Variants in LRRTM4 observed in about 807,000 individuals in gnomAD.
LRRTM4 encodes the protein leucine-rich repeat transmembrane neuronal protein 4.
A neutral mutation model predicts 47.6 loss-of-function variants in LRRTM4; 25 were observed. That is an observed-to-expected ratio of 0.53 (90% confidence interval 0.38 to 0.73). LRRTM4 has a LOEUF of 0.73. Among genes scored for constraint, LRRTM4 ranks in the 30% least tolerant of loss-of-function variants. LRRTM4 has a pLI of 0.00. For missense variants in LRRTM4, 638 were observed against 713.4 expected (o/e 0.89, Z 1.20); for synonymous variants, 311 against 269.5 (o/e 1.15, Z -1.51).
chr2:77,109,994 T>G (rs1671206146), intron 3 of LRRTM4, among the ~76,000 whole-genome samples: 3 of 150,146 alleles, frequency 2.0e-5, no homozygotes, highest in Non-Finnish European at 3.0e-5. Flanking sequence ...GGAAAGAAAA[T>G]ACAAATCTTA....
At chr2:77,111,625 T>C (rs1488897823) in intron 3 of LRRTM4, among the ~76,000 whole-genome samples, 2 of 152,176 alleles carry the variant, frequency 1.3e-5, no homozygotes, top group East Asian at 3.9e-4. Context: ...TAAGATTTCC[T>C]GTGTCCAGGG....
chr2:77,059,993 G>C (rs2103796966), intron 3 of LRRTM4, among the ~76,000 whole-genome samples: 1 of 152,328 alleles, frequency 6.6e-6, no homozygotes, highest in South Asian at 2.1e-4. Flanking sequence ...GCAGGGTAGA[G>C]CAGCAGTTAA....
intron 3 of LRRTM4, among the ~76,000 whole-genome samples, chr2:76,769,852 T>TA (rs34425713): frequency 1.3e-5 from 2 of 152,202 alleles, no homozygotes; most frequent in African/African-American, 4.8e-5. Context: ...CATGCCTAGA[T>TA]AAAAAAGTGC....
chr2:77,225,872 T>C (rs1423785581), intron 3 of LRRTM4, among the ~76,000 whole-genome samples: 1 of 151,988 alleles, frequency 6.6e-6, no homozygotes. Context: ...AAAACAATTA[T>C]ATATATTGTT....
At chr2:77,489,032 AAAAATAAAAT>A (rs199995409) in intron 3 of LRRTM4, among the ~76,000 whole-genome samples, 1 of 151,978 alleles carries the variant, frequency 6.6e-6, no homozygotes, top group Non-Finnish European at 1.5e-5. Flanking sequence ...TACCTATGAA[AAAAATAAAAT>A]AAAATAAAAT....
intron 3 of LRRTM4, among the ~76,000 whole-genome samples, chr2:77,020,556 T>C (rs1678231587): frequency 6.6e-6 from 1 of 152,260 alleles, no homozygotes; most frequent in African/African-American, 2.4e-5. Context: ...AAATCATAGA[T>C]CTGACATTTG....
chr2:77,348,499 C>T (rs7349416), intron 3 of LRRTM4, among the ~76,000 whole-genome samples: 11,296 of 149,822 alleles, frequency 0.075, 625 homozygotes, highest in East Asian at 0.17. Context: ...TATATACACA[C>T]ATACAATGTT....
At chr2:77,048,305 A>G (rs1238268362) in intron 3 of LRRTM4, among the ~76,000 whole-genome samples, 1 of 152,042 alleles carries the variant, frequency 6.6e-6, no homozygotes, top group Non-Finnish European at 1.5e-5. Context: ...TTTTATGCTA[A>G]ATGAGTCAAG....
chr2:77,299,224 C>A (rs1677055599), intron 3 of LRRTM4, among the ~76,000 whole-genome samples: 1 of 147,434 alleles, frequency 6.8e-6, no homozygotes. Flanking sequence ...GTAGTTCTTC[C>A]TACAATCTCT....
At chr2:76,855,276 A>G (rs1409076991) in intron 3 of LRRTM4, among the ~76,000 whole-genome samples, 2 of 152,366 alleles carry the variant, frequency 1.3e-5, no homozygotes, top group South Asian at 2.1e-4. Context: ...ATAACTGAAG[A>G]AAAGTTACTG....
At chr2:77,088,874 T>C (rs1046356770) in intron 3 of LRRTM4, among the ~76,000 whole-genome samples, 4 of 152,024 alleles carry the variant, frequency 2.6e-5, no homozygotes, top group African/African-American at 4.8e-5. Context: ...TATCCCTCAA[T>C]CTCTTTCTCC....
At chr2:76,891,995 T>C (rs1203807343) in intron 3 of LRRTM4, among the ~76,000 whole-genome samples, 4 of 149,684 alleles carry the variant, frequency 2.7e-5, no homozygotes, top group Admixed American at 2.0e-4. Context: ...GATTAGCAAA[T>C]TAAAAATAAA....
intron 3 of LRRTM4, among the ~76,000 whole-genome samples, chr2:77,018,830 A>C (rs553923133): frequency 3.9e-5 from 6 of 152,256 alleles, no homozygotes; most frequent in African/African-American, 9.6e-5. Flanking sequence ...TCACATTATT[A>C]TTCTTCTTTC....
intron 3 of LRRTM4, among the ~76,000 whole-genome samples, chr2:76,782,927 C>T (rs1475276186): frequency 1.3e-5 from 2 of 151,944 alleles, no homozygotes; most frequent in Admixed American, 6.6e-5. Flanking sequence ...AATCAAATAC[C>T]ATATAACAAA....
At chr2:77,089,965 A>G (rs559667854) in intron 3 of LRRTM4, among the ~76,000 whole-genome samples, 20 of 151,872 alleles carry the variant, frequency 1.3e-4, no homozygotes, top group Non-Finnish European at 2.8e-4. Flanking sequence ...TTTCCCTCCC[A>G]TCTGTCCCCT....
At chr2:77,421,559 T>A (rs1573391207) in intron 3 of LRRTM4, among the ~76,000 whole-genome samples, 1 of 151,856 alleles carries the variant, frequency 6.6e-6, no homozygotes, top group East Asian at 1.9e-4. Context: ...TACAAAAAAT[T>A]AGCCGGGCGT....
intron 3 of LRRTM4, among the ~76,000 whole-genome samples, chr2:77,138,416 G>C (rs1195562591): frequency 6.6e-6 from 1 of 152,164 alleles, no homozygotes; most frequent in Non-Finnish European, 1.5e-5. Context: ...GATGTTGTTT[G>C]AAACCAACAA....
At chr2:76,802,278 T>C (rs145829198) in intron 3 of LRRTM4, among the ~76,000 whole-genome samples, 185 of 148,994 alleles carry the variant, frequency 1.2e-3, no homozygotes, top group African/African-American at 4.4e-3. Context: ...GTAAGTAAAG[T>C]TGTAGGATAT....
chr2:76,817,232 A>G (rs540312140), intron 3 of LRRTM4, among the ~76,000 whole-genome samples: 5 of 152,044 alleles, frequency 3.3e-5, no homozygotes, highest in Non-Finnish European at 7.4e-5. Flanking sequence ...TGAATCAAGA[A>G]ATTGCATGCT....
Sources: gnomAD v4.1 joint callset for allele counts (sites outside exome capture counted in the v4.1 genomes callset) on GRCh38, gnomAD v4.1.1 for gene constraint, MANE v1.5 for transcripts, NCBI Gene and HGNC (gene_info 2026-07-23, HGNC 2026-07-21) for gene names.